The following RELN variants were observed in gnomAD, a reference collection of about 807,000 sequenced individuals.
RELN encodes reelin.
RELN carries 108 observed loss-of-function variants against 427.6 expected under a neutral mutation model. The ratio of observed to expected loss-of-function variants is 0.25; its 90% confidence interval spans 0.22 to 0.30. The LOEUF (loss-of-function observed/expected upper bound fraction) is 0.30, where lower values mean the gene tolerates loss of function less well. Ranked by LOEUF, RELN falls within the 10% of genes least tolerant of loss-of-function variation. The pLI, the probability that RELN is intolerant of heterozygous loss-of-function variation, is 1.00. For synonymous variants in RELN, 1,524 were observed against 1,513.4 expected (o/e 1.01, Z -0.16); for missense variants, 3,715 against 4,302.8 (o/e 0.86, Z 3.82).
In RELN at chr7:103,968,110, C is replaced by T. The variant is rs1342893689; in HGVS notation, c.226+21021G>A. On this transcript the variant is annotated intron_variant, in intron 1 of 64. Coordinates refer to ENST00000428762, the MANE Select transcript of RELN (RefSeq NM_005045.4). This position sits in a 1 kb window ranked among gnomAD's most constrained non-coding sequence, Gnocchi z 4.3. ...AAACTTGATGGCAGGAAAAACTCAACTTGTATTTCATTGATCAAACAGAAT... is the reference window on the plus strand; with the variant it reads ...AAACTTGATGGCAGGAAAAACTCAATTTGTATTTCATTGATCAAACAGAAT... Among the ~76,000 whole-genome samples, 1 of 151,386 alleles carries T rather than the reference C, an allele frequency of 6.6e-6. No individual in the cohort carries two copies. The highest frequency in any genetic ancestry group is 2.4e-5 in the African/African-American group (1 of 41,296).
intron 7 of RELN, among the ~76,000 whole-genome samples, chr7:103,724,004 C>T (rs1790141157): frequency 6.6e-6 from 1 of 152,050 alleles, no homozygotes; most frequent in Non-Finnish European, 1.5e-5. Context: ...AGAGCAGTAG[C>T]TTTGACCCAT....
chr7:103,734,101 C>T (rs1347982645), intron 6 of RELN, among the ~76,000 whole-genome samples: 1 of 152,088 alleles, frequency 6.6e-6, no homozygotes, highest in Non-Finnish European at 1.5e-5. Context: ...AAAACAAAAA[C>T]TACTGTTGTT....
At chr7:103,849,021 C>G (rs751754597) in intron 2 of RELN, among the ~76,000 whole-genome samples, 21 of 152,302 alleles carry the variant, frequency 1.4e-4, no homozygotes, top group South Asian at 4.1e-4. Flanking sequence ...TTCCCACAGC[C>G]TACCAGGTGT....
At chr7:103,977,065 C>G (rs1388915982) in intron 1 of RELN, among the ~76,000 whole-genome samples, 1 of 151,974 alleles carries the variant, frequency 6.6e-6, no homozygotes, top group Admixed American at 6.6e-5. Flanking sequence ...AATCCCAGCA[C>G]TTTGGGAGGC....
intron 42 of RELN, among the ~76,000 whole-genome samples, chr7:103,543,968 G>A (rs1346388473): frequency 6.6e-6 from 1 of 152,016 alleles, no homozygotes; most frequent in Non-Finnish European, 1.5e-5. Context: ...TCTGCTTTCT[G>A]TCTTTATGAA....
intron 2 of RELN, among the ~76,000 whole-genome samples, chr7:103,902,466 G>C (rs73403942): frequency 6.6e-6 from 1 of 152,040 alleles, no homozygotes; most frequent in South Asian, 2.1e-4. Context: ...AAAGAGAACC[G>C]GAAATAACAT....
intron 3 of RELN, among the ~76,000 whole-genome samples, chr7:103,794,811 C>T (rs1554420836): frequency 6.6e-6 from 1 of 151,966 alleles, no homozygotes; most frequent in South Asian, 2.1e-4. Context: ...CTAGGTATGA[C>T]AACAAAAAAA....
chr7:103,782,424 C>G (rs182358878), intron 3 of RELN, among the ~76,000 whole-genome samples: 1 of 152,244 alleles, frequency 6.6e-6, no homozygotes, highest in East Asian at 1.9e-4. Context: ...CTCTAGGCAA[C>G]AGACTCCCTA....
chr7:103,685,595 ACTC>A lies in RELN; in HGVS notation c.1144-3337_1144-3335del, dbSNP rs1325106697. Reference sequence around the variant, plus strand: ...CTAAATTTTTATTTGTATTTCTAGCACTCCTAATGTACATTATTATATAATTAT... The same window carrying A: ...CTAAATTTTTATTTGTATTTCTAGCACTAATGTACATTATTATATAATTAT... On this transcript the variant is annotated intron_variant, in intron 10 of 64. Coordinates refer to ENST00000428762, the MANE Select transcript of RELN (RefSeq NM_005045.4). 2.0e-5 allele frequency among the ~76,000 whole-genome samples: 3 copies of A among 152,096 alleles called. No homozygotes were observed. The East Asian group carries it at 5.8e-4, about 29-fold the overall frequency.
chr7:103,711,506 A>G (rs1174214544), intron 8 of RELN, among the ~76,000 whole-genome samples: 3 of 152,252 alleles, frequency 2.0e-5, no homozygotes, highest in Non-Finnish European at 4.4e-5. Context: ...CAGGACAAGA[A>G]TAAAGAGAGA....
At chr7:103,533,833 GTGAC>G (rs1451191708) in intron 46 of RELN, among the ~76,000 whole-genome samples, 2 of 152,204 alleles carry the variant, frequency 1.3e-5, no homozygotes, top group Non-Finnish European at 2.9e-5. Flanking sequence ...TTTGCAAAAT[GTGAC>G]TGAGTAGCTG....
intron 4 of RELN, among the ~76,000 whole-genome samples, chr7:103,771,246 A>G (rs770384023): frequency 1.3e-5 from 2 of 149,712 alleles, no homozygotes; most frequent in Non-Finnish European, 3.0e-5. Flanking sequence ...TGCTTGTAAA[A>G]CCCTAAGGTC....
intron 11 of RELN, among the ~76,000 whole-genome samples, chr7:103,676,200 TA>T (rs1004669852): frequency 2.0e-5 from 3 of 150,920 alleles, no homozygotes; most frequent in African/African-American, 7.3e-5. Flanking sequence ...AAGAAAAAAA[TA>T]AAAAAACCCC....
At chr7:103,497,735 C>T in intron 55 of RELN, 85 bp downstream of exon 55, 1 of 1,120,966 alleles carries the variant, frequency 8.9e-7, no homozygotes. Flanking sequence ...GTGAAGTCAG[C>T]AAAGCTTTGC....
intron 20 of RELN, among the ~76,000 whole-genome samples, chr7:103,616,480 CA>C (rs1378986158): frequency 1.3e-5 from 2 of 151,904 alleles, no homozygotes; most frequent in African/African-American, 4.8e-5. Flanking sequence ...TCAAAACAAA[CA>C]ACCATATTAT....
intron 16 of RELN, among the ~76,000 whole-genome samples, chr7:103,647,420 C>T (rs868010939): frequency 7.9e-5 from 12 of 150,964 alleles, no homozygotes; most frequent in Admixed American, 4.6e-4. Context: ...CGATAATAAA[C>T]GGAGGATAAA....
chr7:103,533,052 A>G (rs1486515774), intron 46 of RELN, among the ~76,000 whole-genome samples: 1 of 152,226 alleles, frequency 6.6e-6, no homozygotes, highest in Admixed American at 6.5e-5. Flanking sequence ...GCTACTGATG[A>G]CTAGTGACCA....
At chr7:103,921,777 A>G (rs943656566) in intron 1 of RELN, among the ~76,000 whole-genome samples, 2 of 152,188 alleles carry the variant, frequency 1.3e-5, no homozygotes, top group Non-Finnish European at 2.9e-5. Flanking sequence ...TGATTAAAGG[A>G]TGTTAACTGG....
At position 103,774,296 on chromosome 7, in the gene RELN, C is replaced by CA. The variant is rs35834080; in HGVS notation, c.544+2260dup. Among the ~76,000 whole-genome samples the CA allele has an allele frequency of 9.6e-3, 1,159 of 121,004 alleles. 18 individuals carry two copies. The highest frequency in any genetic ancestry group is 0.027 in the African/African-American group (880 of 32,154). The allele number at this position is 121,004 out of a possible 152,430, so 79.4% of individuals were successfully genotyped here. A position where few individuals can be genotyped will look rare whatever the true frequency, so the allele number is the denominator to read the frequency against. ...TGGGTGACAGAGCAAGACTTTGTCT[C>CA]AAAAAAAAAAAAAAAAAAATACTTT... On this transcript the variant is annotated intron_variant, in intron 4 of 64. Coordinates refer to ENST00000428762, the MANE Select transcript of RELN (RefSeq NM_005045.4).
Sources: allele counts gnomAD v4.1 joint callset (sites outside exome capture counted in the v4.1 genomes callset), GRCh38; gene constraint gnomAD v4.1.1; non-coding constraint Gnocchi (gnomAD v3.1); transcripts MANE v1.5; gene names NCBI Gene and HGNC (gene_info 2026-07-23, HGNC 2026-07-21).